Variants in FAT4 observed in about 807,000 individuals in gnomAD.
The protein encoded by FAT4 is FAT atypical cadherin 4.
A neutral mutation model predicts 303.9 loss-of-function variants in FAT4; 84 were observed. The observed-to-expected ratio is 0.28, with a 90% CI of 0.23 to 0.33. FAT4 has a LOEUF of 0.33. Among genes scored for constraint, FAT4 ranks in the 10% least tolerant of loss-of-function variants. The probability of loss-of-function intolerance (pLI) is 1.00; values close to 1 mark genes in which losing one functional copy is unlikely to be tolerated. For missense variants in FAT4, 6,005 were observed against 6,146.8 expected (o/e 0.98, Z 0.77); for synonymous variants, 2,307 against 2,298.8 (o/e 1.00, Z -0.10).
intron 2 of FAT4, among the ~76,000 whole-genome samples, chr4:125,346,842 T>C (rs17009497): frequency 0.092 from 14,027 of 152,006 alleles, 713 homozygotes; most frequent in Non-Finnish European, 0.12. Context: ...CATGGTTTGT[T>C]GAGGAAAAAC....
chr4:125,325,713 T>G (rs930525987), intron 2 of FAT4, among the ~76,000 whole-genome samples: 3 of 152,212 alleles, frequency 2.0e-5, no homozygotes, highest in African/African-American at 7.2e-5. Context: ...TTAATACGTT[T>G]TTTGTTTTCT....
chr4:125,479,850 A>G lies in FAT4; in HGVS notation c.12589A>G (p.Lys4197Glu), dbSNP rs763571237. Residue 4197 changes from lysine to glutamate, a missense_variant, in exon 15 of 18, where the codon AAA (lysine) becomes GAA (glutamate). Coordinates refer to ENST00000394329, the MANE Select transcript of FAT4 (RefSeq NM_001291303.3). ...QCHCKEGLTGKYCEKSVTPDT... is the reference protein window; with the variant it reads ...QCHCKEGLTGEYCEKSVTPDT... ...TCATTGCAAAGAGGGACTCACTGGG[A>G]AATACTGTGAAAAATGTATGTAAGG... 1.6e-5 allele frequency: 25 copies of G among 1,589,834 alleles called. No homozygotes were observed. The highest frequency in any genetic ancestry group is 2.1e-5 in the Non-Finnish European group (25 of 1,163,768).
intron 5 of FAT4, among the ~76,000 whole-genome samples, chr4:125,410,427 G>A (rs1417080016): frequency 6.6e-6 from 1 of 152,072 alleles, no homozygotes; most frequent in East Asian, 1.9e-4. Flanking sequence ...TTAGATATCT[G>A]TATATAATTG....
chr4:125,328,708 C>A (rs2125954924), intron 2 of FAT4, among the ~76,000 whole-genome samples: 1 of 152,222 alleles, frequency 6.6e-6, no homozygotes, highest in Non-Finnish European at 1.5e-5. Flanking sequence ...GCTGTCTTGC[C>A]TTTGCAATGG....
chr4:125,431,276 T>G (rs1203579562), intron 7 of FAT4, among the ~76,000 whole-genome samples: 1 of 152,202 alleles, frequency 6.6e-6, no homozygotes, highest in Non-Finnish European at 1.5e-5. Context: ...TTTCTTGAAA[T>G]CTCACTGTAA....
intron 2 of FAT4, among the ~76,000 whole-genome samples, chr4:125,360,842 T>C (rs1444731941): frequency 6.6e-6 from 1 of 151,172 alleles, no homozygotes; most frequent in East Asian, 1.9e-4. Flanking sequence ...TAAAATATGG[T>C]CTTGCTTAAT....
intron 2 of FAT4, among the ~76,000 whole-genome samples, chr4:125,342,050 A>T (rs1304962775): frequency 6.6e-6 from 1 of 152,008 alleles, no homozygotes; most frequent in Admixed American, 6.6e-5. Flanking sequence ...TTCATTTTAA[A>T]TAACATCAAA....
rs544546340 is a variant in FAT4 at position 125,376,418 on chromosome 4, CACCGGGGCCTGTCGTG to C, written c.5176-22349_5176-22334del. ...TGGACACAGGGTGGGAAACATCACA[CACCGGGGCCTGTCGTG>C]ACCGGGGCCTGTCGTGGGGTGAGGG... is the stretch of plus-strand genomic sequence containing the variant. On this transcript the variant is annotated intron_variant, in intron 2 of 17. Coordinates refer to ENST00000394329, the MANE Select transcript of FAT4 (RefSeq NM_001291303.3). Among the ~76,000 whole-genome samples the C allele has an allele frequency of 4.6e-4, 70 of 152,112 alleles. 1 individual carries two copies. In the South Asian group the frequency reaches 0.014, roughly 30 times the overall value.
intron 2 of FAT4, among the ~76,000 whole-genome samples, chr4:125,336,537 A>G (rs991741026): frequency 6.6e-6 from 1 of 152,046 alleles, no homozygotes. Flanking sequence ...ACTTCAGAAC[A>G]TAGTTTGGCT....
intron 7 of FAT4, among the ~76,000 whole-genome samples, chr4:125,427,999 A>G (rs1725147844): frequency 6.6e-6 from 1 of 152,060 alleles, no homozygotes; most frequent in Non-Finnish European, 1.5e-5. Flanking sequence ...CTTTTTTCAA[A>G]TCTTATTTTA....
chr4:125,459,277 A>T (rs1410031774), intron 10 of FAT4, among the ~76,000 whole-genome samples: 1 of 152,060 alleles, frequency 6.6e-6, no homozygotes, highest in East Asian at 1.9e-4. Flanking sequence ...ACATAATCCA[A>T]CATTAAAATG....
chr4:125,380,297 G>T (rs921121698), intron 2 of FAT4, among the ~76,000 whole-genome samples: 1 of 152,150 alleles, frequency 6.6e-6, no homozygotes, highest in Non-Finnish European at 1.5e-5. Context: ...AATCAATCAA[G>T]CAGCAATATT....
At chr4:125,447,863 A>G (rs4834040) in intron 9 of FAT4, among the ~76,000 whole-genome samples, 150,876 of 152,212 alleles carry the variant, frequency 0.99, 74,790 homozygotes, top group East Asian at 1. Context: ...TTATGTATAT[A>G]TCTGTGTATG....
chr4:125,440,500 A>G (rs911736503), intron 8 of FAT4, among the ~76,000 whole-genome samples: 2 of 151,944 alleles, frequency 1.3e-5, no homozygotes, highest in South Asian at 4.2e-4. Flanking sequence ...ATCTCTGATC[A>G]CACACAGTTT....
chr4:125,373,802 A>T (rs1182536277), intron 2 of FAT4, among the ~76,000 whole-genome samples: 1 of 152,148 alleles, frequency 6.6e-6, no homozygotes, highest in Non-Finnish European at 1.5e-5. Flanking sequence ...CAAAAGTAAC[A>T]CCCATCAATA....
At chr4:125,453,661 G>A (rs1463535493) in intron 10 of FAT4, among the ~76,000 whole-genome samples, 3 of 151,234 alleles carry the variant, frequency 2.0e-5, no homozygotes, top group Non-Finnish European at 2.9e-5. Flanking sequence ...AGCCGAGATC[G>A]CGTCACTGCA....
intron 2 of FAT4, among the ~76,000 whole-genome samples, chr4:125,336,249 CA>C (rs1285430467): frequency 1.3e-5 from 2 of 151,852 alleles, no homozygotes; most frequent in African/African-American, 4.8e-5. Flanking sequence ...AAGACATAAC[CA>C]AGAACAGAAG....
chr4:125,431,282 TGTAA>T (rs1246815460), intron 7 of FAT4, among the ~76,000 whole-genome samples: 1 of 152,230 alleles, frequency 6.6e-6, no homozygotes, highest in African/African-American at 2.4e-5. Flanking sequence ...GAAATCTCAC[TGTAA>T]GTCTTAAAAT....
Position 125,317,477 on chromosome 4 carries a change from C to G in FAT4, c.1066C>G (p.Arg356Gly). 1 of 1,613,706 alleles carries G rather than the reference C, an allele frequency of 6.2e-7. No individual in the cohort carries two copies. The highest frequency in any genetic ancestry group is 1.3e-5 in the African/African-American group (1 of 75,058). Reference sequence around the variant, plus strand: ...TGACAATGACCCGGTAGTGAAGTTCCGCTACTTCCCGGCCACCTCGCGCTA... The same window carrying G: ...TGACAATGACCCGGTAGTGAAGTTCGGCTACTTCCCGGCCACCTCGCGCTA... Reference protein sequence around the residue: ...VNDNDPVVKFRYFPATSRYAS... With the variant: ...VNDNDPVVKFGYFPATSRYAS... Residue 356 changes from arginine (R) to glycine (G), a missense_variant, in exon 2 of 18, where the codon CGC becomes GGC. Arg to Gly is a moderately radical substitution (Grantham distance 125). Transcript: ENST00000394329. The surrounding 1 kb of genome is among the most constrained non-coding windows in gnomAD (Gnocchi z 7.0).
Sources: gnomAD v4.1 joint callset for allele counts (sites outside exome capture counted in the v4.1 genomes callset) on GRCh38, gnomAD v4.1.1 for gene constraint, Gnocchi (gnomAD v3.1) non-coding constraint, MANE v1.5 for transcripts, NCBI Gene and HGNC (gene_info 2026-07-23, HGNC 2026-07-21) for gene names.